EIF2AK4: variants seen among roughly 807,000 people sequenced by gnomAD.
The protein encoded by EIF2AK4 is eIF-2-alpha kinase GCN2.
A neutral mutation model predicts 211.1 loss-of-function variants in EIF2AK4; 139 were observed. The ratio of observed to expected loss-of-function variants is 0.66; its 90% CI spans 0.57 to 0.76. The LOEUF is 0.76. Among genes scored for constraint, EIF2AK4 ranks in the 30% least tolerant of loss-of-function variants. EIF2AK4 has a pLI of 0.00. For synonymous variants in EIF2AK4, 710 were observed against 751.3 expected (o/e 0.94, Z 0.90); for missense variants, 1,664 against 2,043.8 (o/e 0.81, Z 3.58).
At chr15:39,977,125 C>T (rs1014516099) in intron 12 of EIF2AK4, 17 of 296,174 alleles carry the variant, frequency 5.7e-5, no homozygotes, top group Non-Finnish European at 8.3e-5. Flanking sequence ...GACGTGTTGA[C>T]CATGTTTAAA....
In EIF2AK4 at chr15:40,035,031, T is replaced by A. The variant is rs2035596896; in HGVS notation, c.4897T>A (p.Ser1633Thr). The A allele has an allele frequency of 1.3e-6, 2 of 1,580,704 alleles. No homozygotes were observed. Among genetic ancestry groups the A allele is most frequent in the Non-Finnish European group, 1.7e-6 (2 of 1,164,742 alleles). Residue 1633 changes from serine (S) to threonine (T), a missense_variant, in exon 39 of 39, where the codon TCT becomes ACT. By Grantham distance (58) the Ser-to-Thr change is moderately conservative. Coordinates refer to ENST00000263791, the MANE Select transcript of EIF2AK4 (RefSeq NM_001013703.4). The stretch of plus-strand genomic sequence containing the variant: ...ATCTTTTCTTTTCTTTTGCAGGGTG[T>A]CTGTGCTATTTCTGTACAGCTATAG... ...IYNIKVEKKV[S>T]VLFLYSYRDD...
chr15:39,968,416 A>T (rs528981712), intron 9 of EIF2AK4, among the ~76,000 whole-genome samples: 1 of 152,204 alleles, frequency 6.6e-6, no homozygotes, highest in Non-Finnish European at 1.5e-5. Context: ...GTTTTATCCA[A>T]TTTGGGAGAA....
At chr15:40,028,349 C>T (rs185604110) in intron 33 of EIF2AK4, among the ~76,000 whole-genome samples, 5 of 152,272 alleles carry the variant, frequency 3.3e-5, no homozygotes, top group Non-Finnish European at 4.4e-5. Flanking sequence ...TATGTATGCT[C>T]ATTATCAGAA....
At chr15:40,017,447 C>A (rs747959322) in intron 29 of EIF2AK4, among the ~76,000 whole-genome samples, 2 of 138,488 alleles carry the variant, frequency 1.4e-5, no homozygotes, top group African/African-American at 5.5e-5. Flanking sequence ...TATTATTTTG[C>A]AAGATAGTTG....
intron 21 of EIF2AK4, among the ~76,000 whole-genome samples, chr15:40,001,633 C>CAAAAAAAAAA (rs11383908): frequency 8.3e-6 from 1 of 120,352 alleles, no homozygotes; most frequent in Non-Finnish European, 1.6e-5. Context: ...GACCCCAACT[C>CAAAAAAAAAA]AAAAAAAAAA....
At position 40,021,001 on chromosome 15, in the gene EIF2AK4, G is replaced by T. The variant is rs2035380172; in HGVS notation, c.4276G>T (p.Ala1426Ser). 1 of 1,613,724 alleles carries T rather than the reference G, an allele frequency of 6.2e-7. No individual in the cohort carries two copies. Among genetic ancestry groups the T allele is most frequent in the South Asian group, 1.1e-5 (1 of 90,974 alleles). ...TQKLWTAGITAEIMYDWSQSQ... is the reference protein window; with the variant it reads ...TQKLWTAGITSEIMYDWSQSQ... The stretch of plus-strand genomic sequence containing the variant: ...GAAACTCTGGACAGCAGGCATCACA[G>T]CAGAAATCATGTACGACTGGTCACA... Residue 1426 changes from alanine (A) to serine (S), a missense_variant, in exon 31 of 39, where the codon GCA becomes TCA. Ala to Ser is a moderately conservative substitution (Grantham distance 99). Transcript: ENST00000263791.
chr15:39,939,875 T>C (rs556925916), intron 2 of EIF2AK4, among the ~76,000 whole-genome samples: 47 of 151,842 alleles, frequency 3.1e-4, no homozygotes, highest in Non-Finnish European at 6.2e-4. Context: ...TCTGATGTGT[T>C]AACTTTTGTT....
At chr15:39,980,032 T>C (rs531325340) in intron 13 of EIF2AK4, among the ~76,000 whole-genome samples, 50 of 152,304 alleles carry the variant, frequency 3.3e-4, no homozygotes, top group African/African-American at 1.2e-3. Flanking sequence ...AAGAAAAATA[T>C]TTGCTGGCTA....
At chr15:39,992,900 C>T (rs766151086) in intron 18 of EIF2AK4, 52 bp downstream of exon 18, 32 of 1,553,082 alleles carry the variant, frequency 2.1e-5, no homozygotes, top group Non-Finnish European at 2.8e-5. Context: ...AATAGGACAT[C>T]TAGATCACAG....
chr15:39,957,186 A>T (rs1381095822), intron 6 of EIF2AK4, among the ~76,000 whole-genome samples: 1 of 152,204 alleles, frequency 6.6e-6, no homozygotes, highest in Non-Finnish European at 1.5e-5. Context: ...GTCTTTTCAG[A>T]TATATGGAAG....
chr15:39,995,436 G>GC (rs71307502), intron 18 of EIF2AK4, among the ~76,000 whole-genome samples: 27,123 of 152,104 alleles, frequency 0.18, 2,868 homozygotes, highest in Non-Finnish European at 0.25. Context: ...GCACCTCTGT[G>GC]CCCCTGACCA....
chr15:40,009,610 C>A lies in EIF2AK4; in HGVS notation c.3577-4C>A. The A allele has an allele frequency of 1.9e-6, 3 of 1,548,212 alleles. No homozygotes were observed. The highest frequency in any genetic ancestry group is 2.6e-6 in the Non-Finnish European group (3 of 1,140,396). ...GAAAATAGTAATTTTTCTCCATATC[C>A]CAGGAAAGAAATTACAGTATTTATT... On this transcript the variant is annotated splice_polypyrimidine_tract_variant and splice_region_variant and intron_variant, in intron 25 of 38. Coordinates refer to ENST00000263791, the MANE Select transcript of EIF2AK4 (RefSeq NM_001013703.4).
chr15:39,988,660 A>G (rs113157537), intron 15 of EIF2AK4, among the ~76,000 whole-genome samples: 120 of 152,258 alleles, frequency 7.9e-4, no homozygotes, highest in African/African-American at 2.8e-3. Flanking sequence ...CTGGGAGAGG[A>G]GAAAGTATTT....
Position 39,965,764 on chromosome 15 carries a change from G to A in EIF2AK4, c.938G>A (p.Trp313Ter), listed in dbSNP as rs2034535675. 2.5e-6 allele frequency: 4 copies of A among 1,613,960 alleles called. No individual in the cohort carries two copies. Among genetic ancestry groups the A allele is most frequent in the African/African-American group, 2.7e-5 (2 of 74,902 alleles). Reference sequence around the variant, plus strand: ...GGTGGCTTTGTCTTGTTGTATGAGTGGGTCCTTCAGTGGCAGAAAAAAATG... The same window carrying A: ...GGTGGCTTTGTCTTGTTGTATGAGTAGGTCCTTCAGTGGCAGAAAAAAATG... ...ATGGFVLLYE[W>*]VLQWQKKMGP... Residue 313 changes from tryptophan (W) to a stop codon, truncating the protein, a stop_gained, in exon 8 of 39, where the codon TGG (tryptophan) becomes TAG (stop). Transcript: ENST00000263791. LOFTEE classifies it high-confidence loss of function.
At chr15:39,994,424 A>G (rs2034991956) in intron 18 of EIF2AK4, among the ~76,000 whole-genome samples, 1 of 152,114 alleles carries the variant, frequency 6.6e-6, no homozygotes, top group African/African-American at 2.4e-5. Context: ...CCTGGGTAAC[A>G]TAGCGAGACC....
chr15:39,998,270 G>GTTTTTTTTTTTTTTTTTTTT (rs11435806), intron 19 of EIF2AK4, among the ~76,000 whole-genome samples: 2 of 125,396 alleles, frequency 1.6e-5, no homozygotes, highest in African/African-American at 3.2e-5. Context: ...TTTTTTTTTT[G>GTTTTTTTTTTTTTTTTTTTT]TTTTGTTTTT....
chr15:39,986,040 C>G (rs1160248343), intron 14 of EIF2AK4, 152 bp downstream of exon 14: 2 of 668,522 alleles, frequency 3.0e-6, no homozygotes, highest in Non-Finnish European at 4.9e-6. Context: ...TATGGAGGCC[C>G]TTTTCCCCAG....
chr15:39,998,721 A>G lies in EIF2AK4; in HGVS notation c.2869-10A>G, dbSNP rs879099492. On this transcript the variant is annotated splice_polypyrimidine_tract_variant and intron_variant, in intron 19 of 38. Coordinates refer to ENST00000263791, the MANE Select transcript of EIF2AK4 (RefSeq NM_001013703.4). The stretch of plus-strand genomic sequence containing the variant: ...GCCAAAACCTTGCTGATTTGAATAT[A>G]TTTTTTTAGCCCACTTCGCCTAAGT... The G allele has an allele frequency of 3.1e-6, 5 of 1,610,878 alleles. No individual in the cohort carries two copies. The South Asian group carries it at 5.5e-5, about 18-fold the overall frequency.
chr15:40,032,511 C>T (rs879365093), intron 36 of EIF2AK4, among the ~76,000 whole-genome samples: 20 of 152,200 alleles, frequency 1.3e-4, no homozygotes, highest in South Asian at 1.0e-3. Context: ...AAGCTTACAC[C>T]GAATACATGT....
Sources: gnomAD v4.1 joint callset for allele counts (sites outside exome capture counted in the v4.1 genomes callset) on GRCh38, gnomAD v4.1.1 for gene constraint, MANE v1.5 for transcripts, NCBI Gene and HGNC (gene_info 2026-07-23, HGNC 2026-07-21) for gene names.